DSC1: variants seen among roughly 807,000 people sequenced by gnomAD.
The protein encoded by DSC1 is desmocollin-1.
Under a neutral mutation model 98.8 loss-of-function variants are expected in DSC1, and 79 were observed. The ratio of observed to expected loss-of-function variants is 0.80; its 90% CI spans 0.67 to 0.96. The LOEUF is 0.96. Ranked by LOEUF, DSC1 falls within the 50% of genes least tolerant of loss-of-function variation. The pLI is 0.00. For missense variants in DSC1, 1,115 were observed against 1,075.9 expected (o/e 1.04, Z -0.51); for synonymous variants, 405 against 372.1 (o/e 1.09, Z -1.02).
At position 31,140,058 on chromosome 18, in the gene DSC1, T is replaced by C. The variant is rs867657896; in HGVS notation, c.1504A>G (p.Ser502Gly). ...GYKALDPEIS[S>G]GEGLRYQKLG... Reference sequence around the variant, plus strand: ...GTACATCACCTTAAGCCTTCACCACTGGATATTTCCGGGTCCAGTGCTTTG... The same window carrying C: ...GTACATCACCTTAAGCCTTCACCACCGGATATTTCCGGGTCCAGTGCTTTG... Residue 502 changes from serine to glycine, a missense_variant, in exon 10 of 16, where the codon AGT becomes GGT. Physicochemically the swap from Ser to Gly is moderately conservative, Grantham distance 56. Coordinates refer to ENST00000257198, the MANE Select transcript of DSC1 (RefSeq NM_024421.2). 6.2e-7 allele frequency: 1 copy of C among 1,613,990 alleles called. No homozygotes were observed. Among genetic ancestry groups the C allele is most frequent in the Middle Eastern group, 1.7e-4 (1 of 6,060 alleles).
chr18:31,140,219 G>C lies in DSC1; in HGVS notation c.1343C>G (p.Ser448Ter). 6.2e-7 allele frequency: 1 copy of C among 1,614,010 alleles called. No individual in the cohort carries two copies. Among genetic ancestry groups the C allele is most frequent in the Non-Finnish European group, 8.5e-7 (1 of 1,179,928 alleles). ...NEAQFSKAASSQTPTMCTTTV... is the reference protein window; with the variant it reads ...NEAQFSKAAS ...TGTAGTGCACATTGTAGGAGTTTGT[G>C]AGCTCGCTGCTTTAGAGAATTGTGC... Residue 448 changes from serine (S) to a stop codon, truncating the protein, a stop_gained, in exon 10 of 16, where the codon TCA becomes TGA. Transcript: ENST00000257198. LOFTEE classifies it high-confidence loss of function.
chr18:31,147,096 T>C lies in DSC1; in HGVS notation c.773-1319A>G, dbSNP rs137987730. Among the ~76,000 whole-genome samples, 43 of 152,298 alleles carry C rather than the reference T, an allele frequency of 2.8e-4. No homozygotes were observed. The East Asian group carries it at 5.0e-3, about 18-fold the overall frequency. Reference sequence around the variant, plus strand: ...TAAAACAAAGTAGTCAGTCTTGTTATACCCCTTAGTAGTCTTGGGTCACAG... The same window carrying C: ...TAAAACAAAGTAGTCAGTCTTGTTACACCCCTTAGTAGTCTTGGGTCACAG... On this transcript the variant is annotated intron_variant, in intron 6 of 15. Coordinates refer to ENST00000257198, the MANE Select transcript of DSC1 (RefSeq NM_024421.2).
rs757203527 is a variant in DSC1, at chr18:31,133,913, C to T, written c.2094G>A (p.Val698=). 5.6e-6 allele frequency: 9 copies of T among 1,612,960 alleles called. No homozygotes were observed. The highest frequency in any genetic ancestry group is 1.7e-5 in the Admixed American group (1 of 59,922). Residue 698 remains valine, a synonymous_variant, in exon 13 of 16, where the codon GTG becomes GTA. Transcript: ENST00000257198. ...ILGRWAILAM[V]LGSVLLLCIL... ...TACATAATAACAATACAGAACCCAA[C>T]ACCATAGCAAGAATAGCCCATCTTC...
chr18:31,131,881 A>C, intron 14 of DSC1, 39 bp from the exon 15 acceptor site: 1 of 1,606,396 alleles, frequency 6.2e-7, no homozygotes, highest in Non-Finnish European at 8.5e-7. Flanking sequence ...AATTTGAAAA[A>C]TGGAAACTAA....
In DSC1 at chr18:31,130,235, C is replaced by T; in HGVS notation, c.*279G>A. 3.1e-6 allele frequency: 1 copy of T among 320,320 alleles called. No individual in the cohort carries two copies. 19.8% of individuals were successfully genotyped at this position (320,320 alleles called of 1,614,324 possible). Reference sequence around the variant, plus strand: ...CAGCACAAAAAGTAACATCAGTTTGCAAATAAAAGGTGCAAGAAGGTGTAC... The same window carrying T: ...CAGCACAAAAAGTAACATCAGTTTGTAAATAAAAGGTGCAAGAAGGTGTAC... On this transcript the variant is annotated 3_prime_UTR_variant, in exon 16 of 16. Transcript: ENST00000257198.
chr18:31,131,644 T>C lies in DSC1; in HGVS notation c.2437A>G (p.Arg813Gly), dbSNP rs749754325. 6.2e-7 allele frequency: 1 copy of C among 1,614,130 alleles called. No homozygotes were observed. The highest frequency in any genetic ancestry group is 8.5e-7 in the Non-Finnish European group (1 of 1,179,990). Residue 813 changes from arginine (R) to glycine (G), a missense_variant, in exon 15 of 16, where the codon AGA becomes GGA. Physicochemically the swap from Arg to Gly is moderately radical, Grantham distance 125 (BLOSUM62 -2). Transcript: ENST00000257198. ...CTCTGCCAGTCCGTGTACGCATATC[T>C]GCCAGTATCTCCCTGCCCCACTCCC... ...VKGVGQGDTG[R>G]YAYTDWQSFT...
intron 3 of DSC1, 116 bp downstream of exon 3, chr18:31,157,255 C>A: frequency 8.9e-7 from 1 of 1,127,012 alleles, no homozygotes; most frequent in Non-Finnish European, 1.3e-6. Flanking sequence ...GTGGAAAAGA[C>A]AAATTTGTCA....
At position 31,155,964 on chromosome 18, in the gene DSC1, T is replaced by C. The variant is rs1598629891; in HGVS notation, c.471+79A>G. 6 of 1,450,516 alleles carry C rather than the reference T, an allele frequency of 4.1e-6. No individual in the cohort carries two copies. The East Asian group carries it at 1.2e-4, about 28-fold the overall frequency. 89.9% of individuals were successfully genotyped at this position (1,450,516 alleles called of 1,614,324 possible). On this transcript the variant is annotated intron_variant, in intron 4 of 15. Transcript: ENST00000257198. ...CCATTAGTTTAAACCTCTGATTCAATATGCTGTGCAATTCAAATGAAAAGT... is the reference window on the plus strand; with the variant it reads ...CCATTAGTTTAAACCTCTGATTCAACATGCTGTGCAATTCAAATGAAAAGT...
intron 14 of DSC1, chr18:31,132,355 G>C (rs761067511): frequency 2.0e-6 from 1 of 511,624 alleles, no homozygotes; most frequent in African/African-American, 2.0e-5. Flanking sequence ...AACAATACTT[G>C]TCTGTTGTTT....
At chr18:31,148,153 C>T (rs1988885743) in intron 6 of DSC1, among the ~76,000 whole-genome samples, 2 of 152,274 alleles carry the variant, frequency 1.3e-5, no homozygotes, top group East Asian at 3.9e-4. Flanking sequence ...ACTTTCTAAG[C>T]ATGCATTGGT....
At chr18:31,147,831 A>G (rs926273538) in intron 6 of DSC1, among the ~76,000 whole-genome samples, 1 of 152,192 alleles carries the variant, frequency 6.6e-6, no homozygotes, top group Non-Finnish European at 1.5e-5. Context: ...CCTTGGCACC[A>G]TAAAATAGAC....
intron 9 of DSC1, 76 bp downstream of exon 9, chr18:31,141,923 T>A: frequency 7.1e-7 from 1 of 1,416,420 alleles, no homozygotes; most frequent in Non-Finnish European, 9.5e-7. Flanking sequence ...GTCATATACA[T>A]ATAAGAATTA....
At chr18:31,144,416 T>A (rs1333281255) in intron 7 of DSC1, among the ~76,000 whole-genome samples, 5 of 152,122 alleles carry the variant, frequency 3.3e-5, no homozygotes, top group African/African-American at 1.2e-4. Context: ...TGAAATATTA[T>A]TCAGTGCTAA....
At position 31,130,408 on chromosome 18, in the gene DSC1, A is replaced by G. The variant is rs1459570126; in HGVS notation, c.*106T>C. ...TATAGTACCCTTACCTATACATGAC[A>G]AAGTTTACCTCCATAAACAAAAACA... is the stretch of plus-strand genomic sequence containing the variant. On this transcript the variant is annotated 3_prime_UTR_variant, in exon 16 of 16. Transcript: ENST00000257198. 1.5e-5 allele frequency: 19 copies of G among 1,281,840 alleles called. No homozygotes were observed. Among genetic ancestry groups the G allele is most frequent in the Non-Finnish European group, 2.1e-5 (19 of 908,300 alleles). 79.4% of individuals were successfully genotyped at this position (1,281,840 alleles called of 1,614,324 possible).
intron 4 of DSC1, among the ~76,000 whole-genome samples, chr18:31,155,605 T>G (rs1989081929): frequency 6.6e-6 from 1 of 152,100 alleles, no homozygotes; most frequent in African/African-American, 2.4e-5. Flanking sequence ...ACTCCAAAAT[T>G]TCAAAACTGT....
chr18:31,154,804 G>T lies in DSC1; in HGVS notation c.597C>A (p.Ser199Arg). Residue 199 changes from serine (S) to arginine (R), a missense_variant, in exon 5 of 16, where the codon AGC becomes AGA. Coordinates refer to ENST00000257198, the MANE Select transcript of DSC1 (RefSeq NM_024421.2). The stretch of plus-strand genomic sequence containing the variant: ...ACTGTTCATATTTCTCACGGTCAAT[G>T]CTCCTTGTACAAAAGATATCCCCAG... Reference protein sequence around the residue: ...KDTGDIFCTRSIDREKYEQFA... With the variant: ...KDTGDIFCTRRIDREKYEQFA... The T allele has an allele frequency of 8.1e-6, 13 of 1,613,446 alleles. No individual in the cohort carries two copies. Among genetic ancestry groups the T allele is most frequent in the Non-Finnish European group, 1.1e-5 (13 of 1,179,712 alleles).
At position 31,156,112 on chromosome 18, in the gene DSC1, T is replaced by C; in HGVS notation, c.402A>G (p.Arg134=). 6.2e-7 allele frequency: 1 copy of C among 1,614,212 alleles called. No homozygotes were observed. The highest frequency in any genetic ancestry group is 1.3e-5 in the African/African-American group (1 of 75,060). The change falls in exon 4 of 16, where the codon AGA becomes AGG. Residue 134 remains arginine, a synonymous_variant. Coordinates refer to ENST00000257198, the MANE Select transcript of DSC1 (RefSeq NM_024421.2). ...TKDTALKRSK[R]RWAPIPASLM... is the part of the protein sequence containing the mutation. ...ATGAAGCTGGAATAGGAGCCCATCG[T>C]CTCTTGCTGCGCTTGAGGGCTGTGT...
chr18:31,159,047 G>GTTTTGTTTTTTTTTTTT (rs1555646386), intron 2 of DSC1, among the ~76,000 whole-genome samples: 5 of 71,098 alleles, frequency 7.0e-5, no homozygotes, highest in East Asian at 5.5e-4. Flanking sequence ...CTACTATGTG[G>GTTTTGTTTTTTTTTTTT]TTTTTTTTTT....
At chr18:31,136,921 G>A (rs1024399176) in intron 11 of DSC1, among the ~76,000 whole-genome samples, 7 of 151,902 alleles carry the variant, frequency 4.6e-5, no homozygotes, top group Non-Finnish European at 8.8e-5. Flanking sequence ...GCATGATGAA[G>A]TCATTGGTGT....
Sources: allele counts gnomAD v4.1 joint callset (sites outside exome capture counted in the v4.1 genomes callset), GRCh38; gene constraint gnomAD v4.1.1; transcripts MANE v1.5; gene names NCBI Gene and HGNC (gene_info 2026-07-23, HGNC 2026-07-21).